The following KLHL1 variants were observed in gnomAD, a reference collection of about 807,000 sequenced individuals.
KLHL1 encodes kelch like family member 1, also known as kelch-like protein 1.
In KLHL1, 47 loss-of-function variants were observed where a neutral mutation model predicts 77.7. The observed-to-expected ratio is 0.60, with a 90% CI of 0.48 to 0.77. The LOEUF (loss-of-function observed/expected upper bound fraction) is 0.77. KLHL1 is among the 30% of genes least tolerant of loss of function. The probability of loss-of-function intolerance (pLI) is 0.00; values close to 1 mark genes in which losing one functional copy is unlikely to be tolerated. For synonymous variants in KLHL1, 360 were observed against 325.2 expected (o/e 1.11, Z -1.15); for missense variants, 925 against 910.8 (o/e 1.02, Z -0.20).
chr13:70,076,210 T>C (rs146509589), intron 1 of KLHL1, among the ~76,000 whole-genome samples: 1 of 151,834 alleles, frequency 6.6e-6, no homozygotes, highest in Non-Finnish European at 1.5e-5. Context: ...AGTCGGAGGA[T>C]TGACACTACA....
chr13:69,702,459 CAAT>C (rs1378170039), intron 10 of KLHL1, among the ~76,000 whole-genome samples: 2 of 151,376 alleles, frequency 1.3e-5, no homozygotes, highest in Non-Finnish European at 3.0e-5. Context: ...TTTTTGATAT[CAAT>C]AATTTTTATT....
At chr13:69,770,434 T>C (rs540822211) in intron 7 of KLHL1, among the ~76,000 whole-genome samples, 45 of 152,334 alleles carry the variant, frequency 3.0e-4, no homozygotes, top group Middle Eastern at 3.4e-3. Flanking sequence ...TGTGAATGCA[T>C]TGTTAAGGAG....
chr13:69,780,530 T>A (rs1457412331), intron 7 of KLHL1, among the ~76,000 whole-genome samples: 1 of 151,496 alleles, frequency 6.6e-6, no homozygotes, highest in Non-Finnish European at 1.5e-5. Context: ...AAAATTTGAT[T>A]TTCTAGTCTA....
At chr13:69,802,539 A>T (rs1348265798) in intron 6 of KLHL1, among the ~76,000 whole-genome samples, 2 of 152,056 alleles carry the variant, frequency 1.3e-5, no homozygotes, top group Non-Finnish European at 2.9e-5. Context: ...CTGGCGCCAC[A>T]CCCTGGGACT....
intron 7 of KLHL1, among the ~76,000 whole-genome samples, chr13:69,749,828 A>G (rs1593795505): frequency 6.6e-6 from 1 of 152,068 alleles, no homozygotes; most frequent in East Asian, 1.9e-4. Flanking sequence ...CTGAAAAAGA[A>G]ATTATTATTT....
At chr13:69,830,780 T>C (rs1286044580) in intron 6 of KLHL1, among the ~76,000 whole-genome samples, 1 of 149,930 alleles carries the variant, frequency 6.7e-6, no homozygotes, top group Non-Finnish European at 1.5e-5. Context: ...AAATTGGAAA[T>C]CAACTCCAAA....
At chr13:69,903,123 C>A (rs928494307) in intron 4 of KLHL1, among the ~76,000 whole-genome samples, 135 of 152,136 alleles carry the variant, frequency 8.9e-4, no homozygotes, top group African/African-American at 3.1e-3. Flanking sequence ...GAAGCAGAAG[C>A]AAGCAGCCAT....
At chr13:69,732,185 CT>C (rs1873578325) in intron 8 of KLHL1, among the ~76,000 whole-genome samples, 1 of 152,078 alleles carries the variant, frequency 6.6e-6, no homozygotes, top group Non-Finnish European at 1.5e-5. Flanking sequence ...ATTTTTTTAA[CT>C]GGCGAAGGAG....
At chr13:69,834,901 G>C (rs1878923440) in intron 6 of KLHL1, among the ~76,000 whole-genome samples, 1 of 152,028 alleles carries the variant, frequency 6.6e-6, no homozygotes, top group Admixed American at 6.6e-5. Flanking sequence ...TGGTCAAATT[G>C]TTAATGAATG....
chr13:69,903,630 CTTTTTTTTTTTTTTTTTTTT>C lies in KLHL1; in HGVS notation c.1015-21155_1015-21136del, dbSNP rs35761520. Among the ~76,000 whole-genome samples the C allele has an allele frequency of 2.0e-4, 10 of 50,204 alleles. No homozygotes were observed. The East Asian group carries it at 7.5e-3, about 38-fold the overall frequency. 32.9% of individuals were successfully genotyped at this position (50,204 alleles called of 152,430 possible). A position where few individuals can be genotyped will look rare whatever the true frequency, so the allele number is the denominator to read the frequency against. ...TTTGCAGAAAACCCTTGTTCACATTCTTTTTTTTTTTTTTTTTTTTTTTTTTTTTTGAGATGGAGTGTCGC... is the reference window on the plus strand; with the variant it reads ...TTTGCAGAAAACCCTTGTTCACATTCTTTTTTTTTTGAGATGGAGTGTCGC... On this transcript the variant is annotated intron_variant, in intron 4 of 10. Coordinates refer to ENST00000377844, the MANE Select transcript of KLHL1 (RefSeq NM_020866.3).
In KLHL1 at chr13:69,940,155, A is replaced by T; in HGVS notation, c.899T>A (p.Val300Glu). 1 of 1,612,596 alleles carries T rather than the reference A, an allele frequency of 6.2e-7. No homozygotes were observed. Among genetic ancestry groups the T allele is most frequent in the Non-Finnish European group, 8.5e-7 (1 of 1,179,282 alleles). The change falls in exon 4 of 11, where the codon GTG becomes GAG. Residue 300 changes from valine to glutamate, a missense_variant. By Grantham distance (121) the Val-to-Glu change is moderately radical (BLOSUM62 -2). Coordinates refer to ENST00000377844, the MANE Select transcript of KLHL1 (RefSeq NM_020866.3). ...CLLQLPQVVEVCCHFLMKLLH... is the reference protein window; with the variant it reads ...CLLQLPQVVEECCHFLMKLLH... ...AAGCTTCATGAGGAAGTGGCAGCAC[A>T]CTTCCACCACCTGTGGAAGCTGAAG...
intron 1 of KLHL1, among the ~76,000 whole-genome samples, chr13:70,039,925 TA>T (rs901835036): frequency 1.3e-5 from 2 of 152,014 alleles, no homozygotes; most frequent in African/African-American, 4.8e-5. Context: ...ATTTGAACTT[TA>T]AAAAAATATA....
At chr13:70,093,926 C>G (rs1404846323) in intron 1 of KLHL1, among the ~76,000 whole-genome samples, 1 of 151,816 alleles carries the variant, frequency 6.6e-6, no homozygotes, top group African/African-American at 2.4e-5. Context: ...AATAATTAAC[C>G]AAGTAAGAAT....
intron 1 of KLHL1, among the ~76,000 whole-genome samples, chr13:70,084,440 T>C (rs1364985262): frequency 6.7e-6 from 1 of 149,538 alleles, no homozygotes; most frequent in African/African-American, 2.5e-5. Context: ...CCAAGTGATA[T>C]TTTCTAGTCT....
intron 7 of KLHL1, among the ~76,000 whole-genome samples, chr13:69,779,284 A>G (rs1454928041): frequency 6.6e-6 from 1 of 152,130 alleles, no homozygotes; most frequent in Admixed American, 6.5e-5. Context: ...AAGTTTTACA[A>G]TTTATAAATC....
At chr13:69,921,917 A>G (rs1170033170) in intron 4 of KLHL1, among the ~76,000 whole-genome samples, 1 of 140,262 alleles carries the variant, frequency 7.1e-6, no homozygotes, top group Non-Finnish European at 1.5e-5. Context: ...TTGTTGAATG[A>G]TTGATTTTTT....
chr13:69,988,569 T>A (rs1884938018), intron 1 of KLHL1, among the ~76,000 whole-genome samples: 1 of 152,122 alleles, frequency 6.6e-6, no homozygotes, highest in Non-Finnish European at 1.5e-5. Context: ...TAATTTACAC[T>A]CTCCACCAGT....
chr13:70,037,078 C>A (rs1039639786), intron 1 of KLHL1, among the ~76,000 whole-genome samples: 3 of 151,928 alleles, frequency 2.0e-5, no homozygotes, highest in African/African-American at 7.2e-5. Context: ...GGTATTTTCA[C>A]TACATATTAA....
intron 1 of KLHL1, among the ~76,000 whole-genome samples, chr13:70,040,072 C>G (rs1003106510): frequency 6.6e-6 from 1 of 152,134 alleles, no homozygotes; most frequent in Non-Finnish European, 1.5e-5. Context: ...ATGTCAAAAT[C>G]ATACCTCCCT....
Sources: gnomAD v4.1 joint callset for allele counts (sites outside exome capture counted in the v4.1 genomes callset) on GRCh38, gnomAD v4.1.1 for gene constraint, MANE v1.5 for transcripts, NCBI Gene and HGNC (gene_info 2026-07-23, HGNC 2026-07-21) for gene names.